GALNTL6: variants seen among roughly 807,000 people sequenced by gnomAD.
GALNTL6 encodes polypeptide N-acetylgalactosaminyltransferase-like 6.
A neutral mutation model predicts 73.7 loss-of-function variants in GALNTL6; 46 were observed. That is an observed-to-expected ratio of 0.62 (90% CI 0.49 to 0.80). The LOEUF (loss-of-function observed/expected upper bound fraction) is 0.80. GALNTL6 is among the 30% of genes least tolerant of loss of function. The pLI, the probability that GALNTL6 is intolerant of heterozygous loss-of-function variation, is 0.00. For missense variants in GALNTL6, 604 were observed against 755.0 expected, an observed-to-expected ratio of 0.80 and a Z score of 2.34; for synonymous variants, 259 against 263.7, an observed-to-expected ratio of 0.98 and a Z score of 0.17.
intron 2 of GALNTL6, among the ~76,000 whole-genome samples, chr4:172,014,740 G>A (rs949822449): frequency 1.3e-5 from 2 of 151,904 alleles, no homozygotes; most frequent in African/African-American, 2.4e-5. Flanking sequence ...AGGTTTAATA[G>A]GTTGTGTTGC....
At chr4:171,857,352 T>G (rs947632422) in intron 2 of GALNTL6, among the ~76,000 whole-genome samples, 2 of 152,114 alleles carry the variant, frequency 1.3e-5, no homozygotes, top group African/African-American at 4.8e-5. Context: ...TAGAAGGGAT[T>G]TTTATAGAGC....
At position 171,813,465 on chromosome 4, in the gene GALNTL6, G is replaced by T. The variant is rs951438863; in HGVS notation, c.-695G>T. The T allele has an allele frequency of 6.6e-6, 1 of 152,280 alleles. No homozygotes were observed. The highest frequency in any genetic ancestry group is 2.4e-5 in the African/African-American group (1 of 41,454). 9.4% of individuals were successfully genotyped at this position (152,280 alleles called of 1,614,324 possible). A position where few individuals can be genotyped will look rare whatever the true frequency, so the allele number is the denominator to read the frequency against. On this transcript the variant is annotated 5_prime_UTR_variant, in exon 1 of 13. Transcript: ENST00000506823. This position sits in a 1 kb window ranked among gnomAD's most constrained non-coding sequence, Gnocchi z 5.2. ...CGGGGAGTGGGGCGCGGGCGACCGT[G>T]TGCAGCCGCGGCGCATCTCCGCCTT...
intron 2 of GALNTL6, among the ~76,000 whole-genome samples, chr4:172,069,491 A>ATATG (rs1553989736): frequency 1.3e-5 from 1 of 74,198 alleles, no homozygotes; most frequent in Non-Finnish European, 3.0e-5. Flanking sequence ...TATAACACAT[A>ATATG]TGTTATATGT....
At chr4:172,258,693 G>A (rs1168359677) in intron 3 of GALNTL6, among the ~76,000 whole-genome samples, 2 of 151,080 alleles carry the variant, frequency 1.3e-5, no homozygotes, top group East Asian at 1.9e-4. Flanking sequence ...TTTGGTGCAC[G>A]CATCACCTGA....
intron 10 of GALNTL6, among the ~76,000 whole-genome samples, chr4:172,969,935 A>G (rs1054777097): frequency 6.6e-5 from 10 of 152,214 alleles, no homozygotes; most frequent in Admixed American, 2.6e-4. Context: ...CTGAGAAATA[A>G]AGAGAAAAAC....
intron 2 of GALNTL6, among the ~76,000 whole-genome samples, chr4:172,054,636 A>G (rs1331562239): frequency 6.6e-6 from 1 of 152,186 alleles, no homozygotes; most frequent in Non-Finnish European, 1.5e-5. Context: ...CCTCATGGTC[A>G]AACCACTTCT....
chr4:172,952,127 G>T lies in GALNTL6; in HGVS notation c.1240G>T (p.Asp414Tyr). 1 of 1,614,094 alleles carries T rather than the reference G, an allele frequency of 6.2e-7. No individual in the cohort carries two copies. The highest frequency in any genetic ancestry group is 8.5e-7 in the Non-Finnish European group (1 of 1,179,984). The change falls in exon 10 of 13, where the codon GAC becomes TAC. Residue 414 changes from aspartate to tyrosine, a missense_variant. By Grantham distance (160) the Asp-to-Tyr change is radical (BLOSUM62 -3). Coordinates refer to ENST00000506823, the MANE Select transcript of GALNTL6 (RefSeq NM_001034845.3). ...GGAGTACAGGCATCTCTCCACGGGG[G>T]ACATCTCTGCCCAGAAGGAGCTGCG... ...RPEYRHLSTG[D>Y]ISAQKELRKQ...
chr4:172,040,913 C>T (rs975369269), intron 2 of GALNTL6, among the ~76,000 whole-genome samples: 1 of 151,984 alleles, frequency 6.6e-6, no homozygotes, highest in East Asian at 1.9e-4. Context: ...AATTATAATA[C>T]CTACAATATC....
intron 5 of GALNTL6, among the ~76,000 whole-genome samples, chr4:172,670,852 TC>T (rs1731935031): frequency 6.6e-6 from 1 of 152,208 alleles, no homozygotes; most frequent in Non-Finnish European, 1.5e-5. Context: ...GGGTCTAGTT[TC>T]AATCTTCTAT....
chr4:172,845,133 G>A (rs187004104), intron 7 of GALNTL6, among the ~76,000 whole-genome samples: 8 of 150,064 alleles, frequency 5.3e-5, no homozygotes, highest in African/African-American at 2.0e-4. Flanking sequence ...CAGGAGAATC[G>A]CTTGAACCCA....
chr4:172,250,217 C>T (rs1737810063), intron 3 of GALNTL6, among the ~76,000 whole-genome samples: 1 of 152,112 alleles, frequency 6.6e-6, no homozygotes, highest in Non-Finnish European at 1.5e-5. Flanking sequence ...CCTGTGGCCC[C>T]TCTGTTTTGG....
intron 2 of GALNTL6, among the ~76,000 whole-genome samples, chr4:172,060,172 T>C (rs1391689236): frequency 1.3e-5 from 2 of 152,120 alleles, no homozygotes; most frequent in Non-Finnish European, 2.9e-5. Context: ...TTAACCTGAA[T>C]TACCAAAACA....
At chr4:172,403,908 A>G (rs139210540) in intron 5 of GALNTL6, among the ~76,000 whole-genome samples, 155 of 152,150 alleles carry the variant, frequency 1.0e-3, no homozygotes, top group Non-Finnish European at 1.6e-3. Flanking sequence ...ACAGTCCCTG[A>G]ATTAAAGAAG....
chr4:172,015,923 A>ATTTTTTTTTTT (rs70941375), intron 2 of GALNTL6, among the ~76,000 whole-genome samples: 37 of 44,086 alleles, frequency 8.4e-4, no homozygotes, highest in East Asian at 1.6e-3. Flanking sequence ...ATCTAATAGG[A>ATTTTTTTTTTT]TTTTTTTTTT....
At chr4:172,090,944 A>C (rs949134580) in intron 2 of GALNTL6, among the ~76,000 whole-genome samples, 3 of 152,098 alleles carry the variant, frequency 2.0e-5, no homozygotes, top group African/African-American at 7.2e-5. Flanking sequence ...ACCATTTATT[A>C]AACAGGGAAT....
In GALNTL6 at chr4:172,761,078, G is replaced by A. The variant is rs185881270; in HGVS notation, c.554-48283G>A. On this transcript the variant is annotated intron_variant, in intron 5 of 12. Transcript: ENST00000506823. The stretch of plus-strand genomic sequence containing the variant: ...AAAATCTAGGGAGAGAATAAATGGG[G>A]CCTGCCTAGAGAAACTAAGAATAGG... Among the ~76,000 whole-genome samples, 23 of 152,246 alleles carry A rather than the reference G, an allele frequency of 1.5e-4. No individual in the cohort carries two copies. In the East Asian group the frequency reaches 3.3e-3, roughly 22 times the overall value.
At chr4:172,487,429 A>T (rs1162067829) in intron 5 of GALNTL6, among the ~76,000 whole-genome samples, 2 of 145,642 alleles carry the variant, frequency 1.4e-5, no homozygotes. Flanking sequence ...TCTGTCGCCC[A>T]GGCTGGAGTA....
chr4:172,069,377 A>G lies in GALNTL6; in HGVS notation c.139-160279A>G, dbSNP rs138175318. On this transcript the variant is annotated intron_variant, in intron 2 of 12. Transcript: ENST00000506823. ...ATAAATATATGTAGTGTGTATATATATGTGTGTGTACATATGTGTTATATA... is the reference window on the plus strand; with the variant it reads ...ATAAATATATGTAGTGTGTATATATGTGTGTGTGTACATATGTGTTATATA... Among the ~76,000 whole-genome samples, 383 of 96,354 alleles carry G rather than the reference A, an allele frequency of 4.0e-3. 64 individuals carry two copies. The East Asian group carries it at 0.082, about 21-fold the overall frequency. 63.2% of individuals were successfully genotyped at this position (96,354 alleles called of 152,430 possible). A position where few individuals can be genotyped will look rare whatever the true frequency, so the allele number is the denominator to read the frequency against.
chr4:172,716,932 A>G (rs557199578), intron 5 of GALNTL6, among the ~76,000 whole-genome samples: 2 of 152,308 alleles, frequency 1.3e-5, no homozygotes, highest in East Asian at 1.9e-4. Flanking sequence ...ATGTATTTTC[A>G]TATATTAAAA....
Sources: gnomAD v4.1 joint callset for allele counts (sites outside exome capture counted in the v4.1 genomes callset) on GRCh38, gnomAD v4.1.1 for gene constraint, Gnocchi (gnomAD v3.1) non-coding constraint, MANE v1.5 for transcripts, NCBI Gene and HGNC (gene_info 2026-07-23, HGNC 2026-07-21) for gene names.